KCTD19: variants seen among roughly 807,000 people sequenced by gnomAD.
The protein encoded by KCTD19 is BTB/POZ domain-containing protein KCTD19.
Under a neutral mutation model 103.5 loss-of-function variants are expected in KCTD19, and 67 were observed. The observed-to-expected ratio is 0.65, with a 90% CI of 0.53 to 0.79. KCTD19 has a LOEUF of 0.79. Ranked by LOEUF, KCTD19 falls within the 30% of genes least tolerant of loss-of-function variation. KCTD19 has a pLI of 0.00. For missense variants in KCTD19, 980 were observed against 1,136.1 expected (o/e 0.86, Z 1.98); for synonymous variants, 439 against 452.2 (o/e 0.97, Z 0.37).
chr16:67,292,461 G>T (rs3893196), intron 12 of KCTD19, among the ~76,000 whole-genome samples: 1 of 152,198 alleles, frequency 6.6e-6, no homozygotes, highest in African/African-American at 2.4e-5. Flanking sequence ...TATCAAATGG[G>T]GCTGAGGGCT....
chr16:67,320,126 A>G lies in KCTD19; in HGVS notation c.300+463T>C, dbSNP rs2037056059. 6.6e-6 allele frequency among the ~76,000 whole-genome samples: 1 copy of G among 152,228 alleles called. No individual in the cohort carries two copies. The highest frequency in any genetic ancestry group is 1.5e-5 in the Non-Finnish European group (1 of 68,040). ...ACATATAGGCGGGGTGTAGTGGCTC[A>G]TGCCGGTAATCCCAGCTCTTAGGGA... On this transcript the variant is annotated intron_variant, in intron 2 of 15. Coordinates refer to ENST00000304372, the MANE Select transcript of KCTD19 (RefSeq NM_001100915.3). The surrounding 1 kb of genome is among the most constrained non-coding windows in gnomAD (Gnocchi z 4.0).
chr16:67,313,063 A>G (rs955397871), intron 2 of KCTD19, among the ~76,000 whole-genome samples: 8 of 151,992 alleles, frequency 5.3e-5, no homozygotes, highest in Non-Finnish European at 1.2e-4. Flanking sequence ...TAAACAAATG[A>G]GCATAGCTGT....
chr16:67,317,674 T>A (rs79490906), intron 2 of KCTD19, among the ~76,000 whole-genome samples: 2 of 152,144 alleles, frequency 1.3e-5, no homozygotes, highest in East Asian at 1.9e-4. Context: ...AGTATAATAA[T>A]ATATTATTAA....
chr16:67,321,638 T>TTCC, intron 1 of KCTD19: 1 of 151,904 alleles, frequency 6.6e-6, no homozygotes, highest in African/African-American at 2.4e-5. Flanking sequence ...GTTTAAGAAG[T>TTCC]CACATTTCCC....
intron 4 of KCTD19, 184 bp from the exon 5 acceptor site, chr16:67,302,106 A>T (rs895873463): frequency 1.8e-6 from 1 of 557,840 alleles, no homozygotes; most frequent in Non-Finnish European, 3.1e-6. Context: ...AAGACCCCAC[A>T]TTACTTTGTT....
At position 67,291,450 on chromosome 16, in the gene KCTD19, C is replaced by T. The variant is rs1440080147; in HGVS notation, c.2424G>A (p.Leu808=). 1.1e-5 allele frequency: 18 copies of T among 1,613,740 alleles called. No homozygotes were observed. Among genetic ancestry groups the T allele is most frequent in the Non-Finnish European group, 4.2e-6 (5 of 1,179,860 alleles). Residue 808 remains leucine, a synonymous_variant, in exon 14 of 16, where the codon CTG becomes CTA. Coordinates refer to ENST00000304372, the MANE Select transcript of KCTD19 (RefSeq NM_001100915.3). Reference sequence around the variant, plus strand: ...TCTCTTCCCAGGACAGAGAGAAACTCAGGAAAGTCACTTCTGTGGAGGAGG... The same window carrying T: ...TCTCTTCCCAGGACAGAGAGAAACTTAGGAAAGTCACTTCTGTGGAGGAGG... ...ASPQPQEVTF[L]SFSLSWEEMF... is the part of the protein sequence containing the mutation.
intron 6 of KCTD19, among the ~76,000 whole-genome samples, chr16:67,298,462 T>C (rs13334364): frequency 0.22 from 33,940 of 152,010 alleles, 7,685 homozygotes; most frequent in African/African-American, 0.58. Flanking sequence ...CAGGGCCCAG[T>C]CGCTCCCTTC....
Position 67,295,273 on chromosome 16 carries a change from A to C in KCTD19, c.1381T>G (p.Ser461Ala). ...CCTTGCTTCACTTACTTAAATTCAG[A>C]TGGTAAAAACAGTTTGCCAAGTCTC... is the stretch of plus-strand genomic sequence containing the variant. Reference protein sequence around the residue: ...FLRLGKLFLPSEFKEWPLFCQ... With the variant: ...FLRLGKLFLPAEFKEWPLFCQ... Residue 461 changes from serine (S) to alanine (A), a missense_variant, in exon 9 of 16, where the codon TCT becomes GCT. Coordinates refer to ENST00000304372, the MANE Select transcript of KCTD19 (RefSeq NM_001100915.3). 1 of 1,614,096 alleles carries C rather than the reference A, an allele frequency of 6.2e-7. No individual in the cohort carries two copies. The highest frequency in any genetic ancestry group is 8.5e-7 in the Non-Finnish European group (1 of 1,179,978).
At chr16:67,322,691 C>T (rs2037088704) in intron 1 of KCTD19, among the ~76,000 whole-genome samples, 2 of 151,726 alleles carry the variant, frequency 1.3e-5, no homozygotes. Flanking sequence ...GCAAAAGTGA[C>T]CAAAAAAATA....
intron 6 of KCTD19, 63 bp downstream of exon 6, chr16:67,299,300 T>C: frequency 6.7e-7 from 1 of 1,492,978 alleles, no homozygotes; most frequent in Non-Finnish European, 9.3e-7. Flanking sequence ...CCCCAGGTTA[T>C]TCCTAGAGGG....
chr16:67,304,027 T>A (rs545085094), intron 3 of KCTD19, among the ~76,000 whole-genome samples: 30 of 152,288 alleles, frequency 2.0e-4, no homozygotes, highest in Middle Eastern at 3.4e-3. Flanking sequence ...CCATCAATAA[T>A]CATAAATGCT....
intron 13 of KCTD19, 21 bp downstream of exon 13, chr16:67,291,625 G>C (rs199935854): frequency 1.9e-6 from 3 of 1,607,810 alleles, no homozygotes; most frequent in African/African-American, 2.7e-5. Flanking sequence ...CGCAGGGCTC[G>C]GCCTGGCTCC....
intron 8 of KCTD19, 83 bp downstream of exon 8, chr16:67,296,076 T>G: frequency 1.2e-6 from 1 of 831,078 alleles, no homozygotes; most frequent in Non-Finnish European, 2.1e-6. Context: ...TGCTGGAAGC[T>G]GTGTGAGGGC....
At position 67,294,634 on chromosome 16, in the gene KCTD19, A is replaced by C; in HGVS notation, c.1536T>G (p.His512Gln). ...GTGACCCTGGCCCTTCTGTCACCAC[A>C]TGCAGCCTCCTGATGGAAAAAGCTT... is the stretch of plus-strand genomic sequence containing the variant. ...NEEAFSIRRL[H>Q]VVTEGPGSLV... is the part of the protein sequence containing the mutation. The change falls in exon 11 of 16, where the codon CAT (histidine) becomes CAG (glutamine). Residue 512 changes from histidine to glutamine, a missense_variant. His to Gln is a conservative substitution (Grantham distance 24). Transcript: ENST00000304372. 1.2e-6 allele frequency: 2 copies of C among 1,614,182 alleles called. No homozygotes were observed. Among genetic ancestry groups the C allele is most frequent in the Non-Finnish European group, 1.7e-6 (2 of 1,180,028 alleles).
At chr16:67,297,800 A>T in intron 6 of KCTD19, 137 bp from the exon 7 acceptor site, 2 of 701,570 alleles carry the variant, frequency 2.9e-6, no homozygotes, top group Non-Finnish European at 2.2e-6. Context: ...GTTTCCTTGT[A>T]TTTTTTTTTT....
chr16:67,292,034 C>T (rs1452441601), intron 12 of KCTD19, among the ~76,000 whole-genome samples, 197 bp from the exon 13 acceptor site: 5 of 152,056 alleles, frequency 3.3e-5, no homozygotes, highest in Admixed American at 6.6e-5. Context: ...CCACCACGCC[C>T]GGCTAATTTT....
chr16:67,303,359 G>C lies in KCTD19; in HGVS notation c.452-22C>G, dbSNP rs747838545. ...AGGCCTGGAAGAGAACATGCAGGCAGTGTTGCCACCTCTCAGAAGCCAGGG... is the reference window on the plus strand; with the variant it reads ...AGGCCTGGAAGAGAACATGCAGGCACTGTTGCCACCTCTCAGAAGCCAGGG... On this transcript the variant is annotated intron_variant, in intron 3 of 15. Coordinates refer to ENST00000304372, the MANE Select transcript of KCTD19 (RefSeq NM_001100915.3). The surrounding 1 kb of genome is among the most constrained non-coding windows in gnomAD (Gnocchi z 4.3). The C allele has an allele frequency of 6.3e-7, 1 of 1,589,554 alleles. No individual in the cohort carries two copies. Among genetic ancestry groups the C allele is most frequent in the Non-Finnish European group, 8.6e-7 (1 of 1,165,050 alleles).
chr16:67,325,185 T>A (rs2037123685), intron 1 of KCTD19, among the ~76,000 whole-genome samples: 1 of 128,518 alleles, frequency 7.8e-6, no homozygotes, highest in Non-Finnish European at 1.7e-5. Context: ...TTTCTTTCTT[T>A]TTTTTCTTTT....
At chr16:67,294,506 C>T in intron 11 of KCTD19, 74 bp downstream of exon 11, 1 of 1,034,314 alleles carries the variant, frequency 9.7e-7, no homozygotes, top group Admixed American at 1.8e-5. Context: ...GTAGCTGAAC[C>T]TACCCCCATC....
Sources: allele counts gnomAD v4.1 joint callset (sites outside exome capture counted in the v4.1 genomes callset), GRCh38; gene constraint gnomAD v4.1.1; non-coding constraint Gnocchi (gnomAD v3.1); transcripts MANE v1.5; gene names NCBI Gene and HGNC (gene_info 2026-07-23, HGNC 2026-07-21).